KIAA2012: variants seen among roughly 807,000 people sequenced by gnomAD.
KIAA2012 encodes the protein uncharacterized protein KIAA2012.
In KIAA2012, 125 loss-of-function variants were observed where a neutral mutation model predicts 150.6. That is an observed-to-expected ratio of 0.83 (90% CI 0.72 to 0.96). The LOEUF is 0.96. Among genes scored for constraint, KIAA2012 ranks in the 40% least tolerant of loss-of-function variants. The pLI, the probability that KIAA2012 is intolerant of heterozygous loss-of-function variation, is 0.00. For synonymous variants in KIAA2012, 462 were observed against 504.7 expected (o/e 0.92, Z 1.13); for missense variants, 1,219 against 1,354.9 (o/e 0.90, Z 1.57).
chr2:202,114,581 A>T (rs1394064151), intron 11 of KIAA2012: 1 of 167,102 alleles, frequency 6.0e-6, no homozygotes, highest in African/African-American at 2.4e-5. Context: ...CTTTTGGCAC[A>T]GCAAAAGCTA....
At chr2:202,156,519 C>T (rs867517376) in intron 14 of KIAA2012, among the ~76,000 whole-genome samples, 7 of 152,094 alleles carry the variant, frequency 4.6e-5, no homozygotes, top group Admixed American at 2.6e-4. Context: ...CTACCCTGCT[C>T]CAGGATAGTA....
In KIAA2012 at chr2:202,100,452, T is replaced by G; in HGVS notation, c.1155+3T>G. On this transcript the variant is annotated splice_donor_region_variant and intron_variant, in intron 7 of 23. Coordinates refer to ENST00000498697, the MANE Select transcript of KIAA2012 (RefSeq NM_001277372.4). ...CTGGGGAAGTGAAGAAGAAAAAGGT[T>G]GTGTGTATATGTATGTTTGTGCATA... 1 of 1,549,532 alleles carries G rather than the reference T, an allele frequency of 6.5e-7. No homozygotes were observed. Among genetic ancestry groups the G allele is most frequent in the Non-Finnish European group, 8.7e-7 (1 of 1,146,366 alleles).
Position 202,090,836 on chromosome 2 carries a change from C to A in KIAA2012, c.436C>A (p.Arg146=), listed in dbSNP as rs750144917. 6.4e-7 allele frequency: 1 copy of A among 1,550,608 alleles called. No homozygotes were observed. The highest frequency in any genetic ancestry group is 8.7e-7 in the Non-Finnish European group (1 of 1,146,982). The change falls in exon 3 of 24, where the codon CGG becomes AGG. Residue 146 remains arginine (R), a synonymous_variant. Transcript: ENST00000498697. Reference sequence around the variant, plus strand: ...AAGCCAGCTGGAGAGCCAGGCCCAACGGCAGATCCAGCCAGGGCATTCAGC... The same window carrying A: ...AAGCCAGCTGGAGAGCCAGGCCCAAAGGCAGATCCAGCCAGGGCATTCAGC... ...FRSQLESQAQ[R]QIQPGHSAKR...
chr2:202,114,535 C>T (rs550767312), intron 11 of KIAA2012: 3 of 167,226 alleles, frequency 1.8e-5, no homozygotes, highest in South Asian at 2.1e-4. Flanking sequence ...ACCTGCTGCA[C>T]ATTTGTCCAC....
Position 202,113,326 on chromosome 2 carries a change from T to A in KIAA2012, c.1652-10T>A, listed in dbSNP as rs557005508. 2.5e-5 allele frequency: 38 copies of A among 1,547,872 alleles called. No homozygotes were observed. In the South Asian group the frequency reaches 4.3e-4, roughly 17 times the overall value. On this transcript the variant is annotated splice_polypyrimidine_tract_variant and intron_variant, in intron 10 of 23. Transcript: ENST00000498697. ...TACTGACACTGCCTATGCTTGTGCTTATTTTCAAGAAGATTCCAGCGACCC... is the reference window on the plus strand; with the variant it reads ...TACTGACACTGCCTATGCTTGTGCTAATTTTCAAGAAGATTCCAGCGACCC...
chr2:202,093,917 G>C (rs1336516102), intron 4 of KIAA2012, among the ~76,000 whole-genome samples: 1 of 152,222 alleles, frequency 6.6e-6, no homozygotes, highest in Non-Finnish European at 1.5e-5. Flanking sequence ...CAACTGGGTA[G>C]CAGTAATAGG....
intron 2 of KIAA2012, among the ~76,000 whole-genome samples, chr2:202,077,502 G>C (rs1307775372): frequency 2.0e-5 from 3 of 152,154 alleles, no homozygotes; most frequent in Non-Finnish European, 4.4e-5. Context: ...TAAATTTATA[G>C]CTCATATCTG....
chr2:202,175,402 C>T (rs947341247), intron 15 of KIAA2012, among the ~76,000 whole-genome samples: 4 of 152,182 alleles, frequency 2.6e-5, no homozygotes, highest in Non-Finnish European at 4.4e-5. Context: ...AAATAGTTGT[C>T]ATGGTCTGAA....
chr2:202,121,664 A>T lies in KIAA2012; in HGVS notation c.1763-3550A>T, dbSNP rs137876963. ...AAGGAGACTGAAACACAGGGAGCTC[A>T]CTTACGTGGTAAGGGCAGAGCTGGG... On this transcript the variant is annotated intron_variant, in intron 11 of 23. Coordinates refer to ENST00000498697, the MANE Select transcript of KIAA2012 (RefSeq NM_001277372.4). Among the ~76,000 whole-genome samples, 3 of 152,302 alleles carry T rather than the reference A, an allele frequency of 2.0e-5. No individual in the cohort carries two copies. The East Asian group carries it at 5.8e-4, about 29-fold the overall frequency.
chr2:202,104,337 ATCT>A lies in KIAA2012; in HGVS notation c.1324+1225_1324+1227del, dbSNP rs1276940787. On this transcript the variant is annotated intron_variant, in intron 8 of 23. Coordinates refer to ENST00000498697, the MANE Select transcript of KIAA2012 (RefSeq NM_001277372.4). This position sits in a 1 kb window ranked among gnomAD's most constrained non-coding sequence, Gnocchi z 4.3. ...AACACAGTGTTTTAAAATGCAGGTC[ATCT>A]TATTCAGGTGTGGTGAGGCCAACAG... Among the ~76,000 whole-genome samples the A allele has an allele frequency of 6.6e-6, 1 of 152,256 alleles. No individual in the cohort carries two copies. The highest frequency in any genetic ancestry group is 1.5e-5 in the Non-Finnish European group (1 of 68,040).
rs1690755842 is a variant in KIAA2012 at position 202,125,275 on chromosome 2, C to A, written c.1824C>A (p.Phe608Leu). ...AGGAAGGGCCTAGTAGTCAGCATTT[C>A]CTAAAAGGTAAGCTTTTCCACTAAA... ...HEEEGPSSQH[F>L]LKANTEPRAN... The change falls in exon 12 of 24, where the codon TTC becomes TTA. Residue 608 changes from phenylalanine (F) to leucine (L), a missense_variant. By Grantham distance (22) the Phe-to-Leu change is conservative. Transcript: ENST00000498697. 1 of 1,549,690 alleles carries A rather than the reference C, an allele frequency of 6.5e-7. No homozygotes were observed.
At chr2:202,174,154 G>A (rs573566587) in intron 15 of KIAA2012, among the ~76,000 whole-genome samples, 12 of 152,178 alleles carry the variant, frequency 7.9e-5, no homozygotes, top group African/African-American at 2.6e-4. Flanking sequence ...TAGTAGAGAT[G>A]GAGCTTCACC....
chr2:202,116,463 G>GA, intron 11 of KIAA2012: 1 of 48,528 alleles, frequency 2.1e-5, no homozygotes, highest in African/African-American at 9.5e-5. Context: ...CACCATGCCC[G>GA]GCTTTTTTTT....
Position 202,099,731 on chromosome 2 carries a change from C to G in KIAA2012, c.947C>G (p.Pro316Arg). The G allele has an allele frequency of 6.4e-6, 10 of 1,550,576 alleles. No homozygotes were observed. The highest frequency in any genetic ancestry group is 2.0e-5 in the Admixed American group (1 of 50,968). The change falls in exon 6 of 24, where the codon CCA becomes CGA. Residue 316 changes from proline (P) to arginine (R), a missense_variant. Transcript: ENST00000498697. ...GHGRIDHSWL[P>R]SDKSHITFCG... Reference sequence around the variant, plus strand: ...GGCCGCATCGATCACTCTTGGCTCCCAAGTGACAAATCCCACATTACATTC... The same window carrying G: ...GGCCGCATCGATCACTCTTGGCTCCGAAGTGACAAATCCCACATTACATTC...
At chr2:202,159,030 C>CA (rs1691596508) in intron 14 of KIAA2012, among the ~76,000 whole-genome samples, 1 of 152,154 alleles carries the variant, frequency 6.6e-6, no homozygotes, top group Non-Finnish European at 1.5e-5. Flanking sequence ...ACACGGACAA[C>CA]AGCCAGCCAT....
intron 13 of KIAA2012, among the ~76,000 whole-genome samples, chr2:202,139,178 T>C (rs763538940): frequency 1.3e-4 from 19 of 149,990 alleles, no homozygotes; most frequent in Non-Finnish European, 2.4e-4. Context: ...GAGTTGGAGG[T>C]TGCAGTGAGC....
intron 9 of KIAA2012, 40 bp downstream of exon 9, chr2:202,105,950 C>T (rs1690180913): frequency 3.9e-6 from 6 of 1,550,624 alleles, no homozygotes; most frequent in Admixed American, 2.0e-5. Flanking sequence ...GGGAACCTCA[C>T]TCTGAAGGGA....
chr2:202,147,144 C>G (rs2105948616), intron 13 of KIAA2012, among the ~76,000 whole-genome samples: 1 of 152,352 alleles, frequency 6.6e-6, no homozygotes, highest in East Asian at 1.9e-4. Flanking sequence ...ATGAGTCAAT[C>G]TACCAATTGT....
intron 2 of KIAA2012, among the ~76,000 whole-genome samples, chr2:202,085,077 C>T (rs891983520): frequency 1.6e-4 from 24 of 152,198 alleles, no homozygotes; most frequent in Non-Finnish European, 2.4e-4. Flanking sequence ...CTGGTATCCT[C>T]GGTTAGCCCT....
Sources: gnomAD v4.1 joint callset for allele counts (sites outside exome capture counted in the v4.1 genomes callset) on GRCh38, gnomAD v4.1.1 for gene constraint, Gnocchi (gnomAD v3.1) non-coding constraint, MANE v1.5 for transcripts, NCBI Gene and HGNC (gene_info 2026-07-23, HGNC 2026-07-21) for gene names.